The following DMRT1 variants were observed in gnomAD, a reference collection of about 807,000 sequenced individuals.
DMRT1 encodes doublesex and mab-3 related transcription factor 1, also known as doublesex- and mab-3-related transcription factor 1.
DMRT1 carries 7 observed loss-of-function variants against 32.3 expected under a neutral mutation model. The observed-to-expected ratio is 0.22, with a 90% CI of 0.12 to 0.41. The LOEUF (loss-of-function observed/expected upper bound fraction) is 0.41. Ranked by LOEUF, DMRT1 falls within the 10% of genes least tolerant of loss-of-function variation. DMRT1 has a pLI of 1.00. For synonymous variants in DMRT1, 278 were observed against 206.1 expected (o/e 1.35, Z -2.99); for missense variants, 625 against 500.5 (o/e 1.25, Z -2.37).
intron 2 of DMRT1, among the ~76,000 whole-genome samples, chr9:874,186 A>G (rs961927255): frequency 3.9e-5 from 6 of 152,234 alleles, no homozygotes; most frequent in African/African-American, 7.2e-5. Context: ...GAATGAGTCA[A>G]CAATACCTCT....
chr9:936,458 A>T (rs1818888228), intron 4 of DMRT1, among the ~76,000 whole-genome samples: 1 of 151,966 alleles, frequency 6.6e-6, no homozygotes, highest in African/African-American at 2.4e-5. Context: ...TATATTAATA[A>T]TGTCTTCTTC....
At chr9:854,852 G>A (rs10120867) in intron 2 of DMRT1, among the ~76,000 whole-genome samples, 2,558 of 72,342 alleles carry the variant, frequency 0.035, 165 homozygotes, top group African/African-American at 0.12. Flanking sequence ...TGCAAGCTCC[G>A]CCTCCTGGGT....
At chr9:844,782 A>G (rs1838833189) in intron 1 of DMRT1, among the ~76,000 whole-genome samples, 1 of 139,620 alleles carries the variant, frequency 7.2e-6, no homozygotes, top group Non-Finnish European at 1.5e-5. Context: ...GTGCAGTGGC[A>G]TGATTTCAGC....
In DMRT1 at chr9:925,083, A is replaced by G. The variant is rs1818477732; in HGVS notation, c.967+8176A>G. ...TCAGGGAGGTCACACTTACTCATGT[A>G]AGGATAAGGTCCATTCACTGCAGCA... On this transcript the variant is annotated intron_variant, in intron 4 of 4. Coordinates refer to ENST00000382276, the MANE Select transcript of DMRT1 (RefSeq NM_021951.3). Among the ~76,000 whole-genome samples the G allele has an allele frequency of 2.0e-5, 3 of 152,170 alleles. No individual in the cohort carries two copies. The South Asian group carries it at 6.2e-4, about 32-fold the overall frequency.
chr9:851,046 G>A (rs10977077), intron 2 of DMRT1, among the ~76,000 whole-genome samples: 3,808 of 126,442 alleles, frequency 0.03, 305 homozygotes, highest in African/African-American at 0.096. Flanking sequence ...AAAAAAAAAA[G>A]AAAGAAAAAT....
At chr9:967,736 T>A (rs1564282033) in intron 4 of DMRT1, among the ~76,000 whole-genome samples, 1 of 152,212 alleles carries the variant, frequency 6.6e-6, no homozygotes. Context: ...AACGTTAAAC[T>A]GGAACTCTGC....
intron 4 of DMRT1, among the ~76,000 whole-genome samples, chr9:936,407 T>C (rs1372375629): frequency 2.0e-5 from 3 of 152,068 alleles, no homozygotes; most frequent in Non-Finnish European, 2.9e-5. Context: ...TGATGGGCCA[T>C]TGTCTTCTTC....
At chr9:889,367 A>G (rs536383834) in intron 2 of DMRT1, among the ~76,000 whole-genome samples, 1 of 152,374 alleles carries the variant, frequency 6.6e-6, no homozygotes, top group African/African-American at 2.4e-5. Flanking sequence ...CTGCTCTTCC[A>G]AAGTTCAAAT....
At chr9:903,393 T>C (rs1210815156) in intron 3 of DMRT1, among the ~76,000 whole-genome samples, 1 of 152,224 alleles carries the variant, frequency 6.6e-6, no homozygotes, top group Non-Finnish European at 1.5e-5. Flanking sequence ...TCATTTTAGC[T>C]GATGACAAGT....
At chr9:937,838 T>C (rs1200439210) in intron 4 of DMRT1, among the ~76,000 whole-genome samples, 1 of 152,098 alleles carries the variant, frequency 6.6e-6, no homozygotes, top group African/African-American at 2.4e-5. Flanking sequence ...ACAAAAGTTT[T>C]TTTTTTATTT....
intron 4 of DMRT1, among the ~76,000 whole-genome samples, chr9:933,615 C>T (rs1243901664): frequency 3.3e-5 from 5 of 152,268 alleles, no homozygotes; most frequent in Admixed American, 6.5e-5. Flanking sequence ...TGTAGACCTG[C>T]ACCATCCAGT....
intron 2 of DMRT1, among the ~76,000 whole-genome samples, chr9:849,181 G>C (rs1469085677): frequency 3.3e-5 from 5 of 152,092 alleles, no homozygotes; most frequent in Non-Finnish European, 5.9e-5. Context: ...AGCTGGCTGA[G>C]CTAGGATTTA....
chr9:852,504 T>C (rs140982183), intron 2 of DMRT1, among the ~76,000 whole-genome samples: 24 of 152,286 alleles, frequency 1.6e-4, no homozygotes, highest in Middle Eastern at 3.4e-3. Flanking sequence ...ATTCTACTTT[T>C]TCTTCAGCCT....
intron 3 of DMRT1, among the ~76,000 whole-genome samples, chr9:911,901 T>C (rs1047089078): frequency 6.6e-6 from 1 of 152,222 alleles, no homozygotes; most frequent in African/African-American, 2.4e-5. Context: ...GGGTTGTTTG[T>C]GGATTCTTTG....
intron 3 of DMRT1, among the ~76,000 whole-genome samples, chr9:914,373 G>C (rs1220817520): frequency 6.6e-6 from 1 of 152,010 alleles, no homozygotes; most frequent in Non-Finnish European, 1.5e-5. Flanking sequence ...ATGAGATCGA[G>C]ACCATCCTGG....
intron 3 of DMRT1, among the ~76,000 whole-genome samples, chr9:905,473 C>CGTGTCTGTGTGTGT (rs745430195): frequency 1.4e-5 from 2 of 143,588 alleles, no homozygotes; most frequent in African/African-American, 5.6e-5. Context: ...CTCCCTTGCC[C>CGTGTCTGTGTGTGT]CTGTGTGTGT....
rs1437645662 is a variant in DMRT1 at position 890,083 on chromosome 9, GT to G, written c.539-3828del. Among the ~76,000 whole-genome samples, 513 of 108,870 alleles carry G rather than the reference GT, an allele frequency of 4.7e-3. 6 individuals are homozygous for G. The highest frequency in any genetic ancestry group is 0.015 in the African/African-American group (476 of 31,480). 71.4% of individuals were successfully genotyped at this position (108,870 alleles called of 152,430 possible). ...AAACCACCACTTAACGCCACCAAAC[GT>G]GTTTTTTTTTTTTTTTTTTTTTGAG... is the stretch of plus-strand genomic sequence containing the variant. On this transcript the variant is annotated intron_variant, in intron 2 of 4. Transcript: ENST00000382276.
At chr9:955,511 C>T (rs532756541) in intron 4 of DMRT1, among the ~76,000 whole-genome samples, 1 of 152,180 alleles carries the variant, frequency 6.6e-6, no homozygotes, top group South Asian at 2.1e-4. Flanking sequence ...TCAAGACCAG[C>T]CTGAGCAACA....
chr9:956,439 C>T (rs111533240), intron 4 of DMRT1, among the ~76,000 whole-genome samples: 24 of 152,078 alleles, frequency 1.6e-4, no homozygotes, highest in African/African-American at 5.3e-4. Context: ...TGGCTCATGC[C>T]GGTAATCCCA....
Sources: allele counts gnomAD v4.1 joint callset (sites outside exome capture counted in the v4.1 genomes callset), GRCh38; gene constraint gnomAD v4.1.1; transcripts MANE v1.5; gene names NCBI Gene and HGNC (gene_info 2026-07-23, HGNC 2026-07-21).